The following NOTCH2 variants were observed in gnomAD, a reference collection of about 807,000 sequenced individuals.
The protein encoded by NOTCH2 is neurogenic locus notch homolog protein 2.
In NOTCH2, 29 loss-of-function variants were observed where a neutral mutation model predicts 235.8. The ratio of observed to expected loss-of-function variants is 0.12; its 90% CI spans 0.09 to 0.17. The LOEUF (loss-of-function observed/expected upper bound fraction) is 0.17, where lower values mean the gene tolerates loss of function less well. Among genes scored for constraint, NOTCH2 ranks in the 10% least tolerant of loss-of-function variants. The pLI, the probability that NOTCH2 is intolerant of heterozygous loss-of-function variation, is 1.00. For missense variants in NOTCH2, 2,285 were observed against 3,150.2 expected (o/e 0.73, Z 6.57); for synonymous variants, 1,086 against 1,141.5 (o/e 0.95, Z 0.98).
In NOTCH2 at chr1:119,915,177, C is replaced by A; in HGVS notation, c.*129G>T. ...TTCTCTTGCATTATCTGAATAAGAA[C>A]ATCTTCTCTTTCCTACCTCTAGAAG... On this transcript the variant is annotated 3_prime_UTR_variant, in exon 34 of 34. Coordinates refer to ENST00000256646, the MANE Select transcript of NOTCH2 (RefSeq NM_024408.4). The A allele has an allele frequency of 3.2e-6, 3 of 951,308 alleles. No homozygotes were observed. Among genetic ancestry groups the A allele is most frequent in the Non-Finnish European group, 3.3e-6 (2 of 598,542 alleles). The allele number at this position is 951,308 out of a possible 1,614,324, so 58.9% of individuals were successfully genotyped here. A position where few individuals can be genotyped will look rare whatever the true frequency, so the allele number is the denominator to read the frequency against.
intron 1 of NOTCH2, among the ~76,000 whole-genome samples, chr1:120,053,632 A>G (rs1371735775): frequency 1.0e-4 from 14 of 139,752 alleles, no homozygotes; most frequent in Admixed American, 2.1e-4. Flanking sequence ...AGACAATAGT[A>G]CTTTTAGTCT....
intron 1 of NOTCH2, among the ~76,000 whole-genome samples, chr1:120,041,019 C>T (rs1241842508): frequency 2.1e-4 from 23 of 110,462 alleles, no homozygotes; most frequent in African/African-American, 4.3e-4. Flanking sequence ...CCAGCCTGGG[C>T]GACAGAGCAA....
At chr1:119,935,246 T>C (rs1336484125) in intron 22 of NOTCH2, 13 of 1,438,772 alleles carry the variant, frequency 9.0e-6, no homozygotes, top group Non-Finnish European at 1.2e-5. Context: ...TCATGGAATA[T>C]CAAGATGCCA....
At chr1:119,964,315 C>A (rs1337949684) in intron 10 of NOTCH2, among the ~76,000 whole-genome samples, 5 of 152,056 alleles carry the variant, frequency 3.3e-5, no homozygotes, top group African/African-American at 1.2e-4. Context: ...AATGAATGAA[C>A]CTGTTATGAG....
intron 12 of NOTCH2, 123 bp downstream of exon 12, chr1:119,959,269 A>AT (rs2101130340): frequency 1.4e-6 from 1 of 706,084 alleles, no homozygotes; most frequent in East Asian, 2.7e-5. Context: ...GCAGAGAAAC[A>AT]GACTACTAAC....
intron 20 of NOTCH2, 21 bp downstream of exon 20, chr1:119,937,836 G>C: frequency 6.2e-7 from 1 of 1,613,906 alleles, no homozygotes; most frequent in South Asian, 1.1e-5. Context: ...AATGACCTGA[G>C]CCCAAGGGAG....
chr1:119,993,436 TACTC>T (rs1373015639), intron 4 of NOTCH2: 1 of 68,762 alleles, frequency 1.5e-5, no homozygotes, highest in South Asian at 7.3e-4. Flanking sequence ...AATACTAAAA[TACTC>T]ACAGTGACTA....
intron 4 of NOTCH2, chr1:119,995,405 A>G (rs1390461266): frequency 1.3e-5 from 2 of 151,766 alleles, no homozygotes; most frequent in Non-Finnish European, 2.9e-5. Flanking sequence ...TGAAAAACAC[A>G]TTTAGCCTTC....
intron 3 of NOTCH2, 88 bp from the exon 4 acceptor site, chr1:119,997,420 T>G: frequency 1.6e-6 from 2 of 1,220,994 alleles, no homozygotes. Context: ...AGCGAGCTCT[T>G]GCGTGGAGAA....
intron 5 of NOTCH2, among the ~76,000 whole-genome samples, chr1:119,978,291 A>T (rs1271631620): frequency 2.0e-5 from 3 of 152,054 alleles, no homozygotes; most frequent in Admixed American, 2.0e-4. Flanking sequence ...GCATTAGGGG[A>T]GTGAAGAGAG....
intron 31 of NOTCH2, 102 bp downstream of exon 31, chr1:119,919,210 A>G: frequency 7.8e-7 from 1 of 1,284,212 alleles, no homozygotes; most frequent in Non-Finnish European, 1.1e-6. Context: ...TAATCTCTCA[A>G]ATGATTGAAT....
intron 3 of NOTCH2, among the ~76,000 whole-genome samples, chr1:119,997,559 T>C (rs2101212961): frequency 6.6e-6 from 1 of 152,056 alleles, no homozygotes; most frequent in Non-Finnish European, 1.5e-5. Context: ...GTGGAGCACC[T>C]GGAGGCAATT....
rs1649928463 is a variant in NOTCH2, at chr1:119,938,154, A to T, written c.3184-144T>A. The T allele has an allele frequency of 3.4e-6, 3 of 881,904 alleles. No homozygotes were observed. In the South Asian group the frequency reaches 4.6e-5, roughly 13 times the overall value. The allele number at this position is 881,904 out of a possible 1,614,324, so 54.6% of individuals were successfully genotyped here. A position where few individuals can be genotyped will look rare whatever the true frequency, so the allele number is the denominator to read the frequency against. ...CTTCATCTAGTAAAAGAGCCCTTAA[A>T]CTAGATTCAGTGTTCCGAGGTACAC... is the stretch of plus-strand genomic sequence containing the variant. On this transcript the variant is annotated intron_variant, in intron 19 of 33. Transcript: ENST00000256646.
Position 119,915,516 on chromosome 1 carries a change from G to C in NOTCH2, c.7206C>G (p.Pro2402=). 2 of 1,614,122 alleles carry C rather than the reference G, an allele frequency of 1.2e-6. No individual in the cohort carries two copies. Among genetic ancestry groups the C allele is most frequent in the Non-Finnish European group, 8.5e-7 (1 of 1,180,034 alleles). ...YASSNAAERT[P]SHSGHLQGEH... ...CACCCTGGAGGTGACCACTGTGACT[G>C]GGTGTTCGCTCAGCAGCATTTGAGG... Residue 2402 remains proline, a synonymous_variant, in exon 34 of 34, where the codon CCC becomes CCG. Transcript: ENST00000256646.
chr1:119,946,314 C>A (rs1358230751), intron 17 of NOTCH2, among the ~76,000 whole-genome samples: 3 of 152,094 alleles, frequency 2.0e-5, no homozygotes, highest in Non-Finnish European at 4.4e-5. Context: ...TCTATGAGGA[C>A]AGCATTGCCC....
At position 119,967,479 on chromosome 1, in the gene NOTCH2, A is replaced by G; in HGVS notation, c.1407T>C (p.Ala469=). ...AGCCTCCAATCTTATCCAGACAGGT[A>G]GCATCATTCTGGCAGGGGTCTGAAT... ...ECHSDPCQND[A]TCLDKIGGFT... Residue 469 remains alanine (A), a synonymous_variant, in exon 8 of 34, where the codon GCT becomes GCC. Transcript: ENST00000256646. The G allele has an allele frequency of 6.2e-7, 1 of 1,614,136 alleles. No homozygotes were observed. Among genetic ancestry groups the G allele is most frequent in the Non-Finnish European group, 8.5e-7 (1 of 1,179,968 alleles).
Position 119,925,379 on chromosome 1 carries a change from C to T in NOTCH2, c.4437G>A (p.Gln1479=). Residue 1479 remains glutamine (Q), a synonymous_variant, in exon 25 of 34, where the codon CAG becomes CAA. Transcript: ENST00000256646. ...CGACCGTGTTGCACAGCTCATCACACTGGTTGTTGATATAATCCCAGCAGG... is the reference window on the plus strand; with the variant it reads ...CGACCGTGTTGCACAGCTCATCACATTGGTTGTTGATATAATCCCAGCAGG... ...PLPCWDYINN[Q]CDELCNTVEC... 6.2e-7 allele frequency: 1 copy of T among 1,614,206 alleles called. No individual in the cohort carries two copies. Among genetic ancestry groups the T allele is most frequent in the Non-Finnish European group, 8.5e-7 (1 of 1,180,040 alleles).
intron 25 of NOTCH2, 92 bp downstream of exon 25, chr1:119,925,213 G>T: frequency 6.6e-7 from 1 of 1,519,546 alleles, no homozygotes; most frequent in Non-Finnish European, 9.1e-7. Context: ...GGCAGCTTAG[G>T]CTGAAGCACT....
At chr1:119,935,041 A>G in intron 22 of NOTCH2, 1 of 903,152 alleles carries the variant, frequency 1.1e-6, no homozygotes. Flanking sequence ...AAATAGGCAG[A>G]TATTTTCATT....
Sources: gnomAD v4.1 joint callset for allele counts (sites outside exome capture counted in the v4.1 genomes callset) on GRCh38, gnomAD v4.1.1 for gene constraint, MANE v1.5 for transcripts, NCBI Gene and HGNC (gene_info 2026-07-23, HGNC 2026-07-21) for gene names.